Variants in GDAP1 observed in about 807,000 individuals in gnomAD.
The protein encoded by GDAP1 is ganglioside induced differentiation associated protein 1.
Under a neutral mutation model 40.1 loss-of-function variants are expected in GDAP1, and 34 were observed. The observed-to-expected ratio is 0.85, with a 90% CI of 0.64 to 1.13. GDAP1 has a LOEUF of 1.13. GDAP1 is among the 50% of genes most tolerant of loss of function. The probability of loss-of-function intolerance (pLI) is 0.00; values close to 1 mark genes in which losing one functional copy is unlikely to be tolerated. For missense variants in GDAP1, 374 were observed against 433.7 expected (o/e 0.86, Z 1.22); for synonymous variants, 170 against 157.4 (o/e 1.08, Z -0.60).
Position 74,425,112 on chromosome 8 carries a change from C to T in GDAP1, c.166-63566C>T, listed in dbSNP as rs577505267. On this transcript the variant is annotated intron_variant, in intron 2 of 2. Transcript: ENST00000523640. ...ACAGGCACACACATTTGGTTTGGGT[C>T]CTTAAGAGGAATTCTATGCTTTGTG... is the stretch of plus-strand genomic sequence containing the variant. 2.6e-5 allele frequency among the ~76,000 whole-genome samples: 4 copies of T among 152,224 alleles called. No homozygotes were observed. The South Asian group carries it at 8.3e-4, about 32-fold the overall frequency.
At chr8:74,468,617 G>A (rs1407664245) in intron 2 of GDAP1, among the ~76,000 whole-genome samples, 2 of 151,630 alleles carry the variant, frequency 1.3e-5, no homozygotes, top group Non-Finnish European at 2.9e-5. Context: ...GTTGACTTTT[G>A]TGTATGTGAA....
chr8:74,426,602 G>A (rs1805950539), intron 2 of GDAP1, among the ~76,000 whole-genome samples: 1 of 152,188 alleles, frequency 6.6e-6, no homozygotes, highest in African/African-American at 2.4e-5. Flanking sequence ...TCTGGAAGAA[G>A]TTTCAGGAAT....
chr8:74,395,122 A>G (rs979434478), intron 2 of GDAP1, among the ~76,000 whole-genome samples: 2 of 152,196 alleles, frequency 1.3e-5, no homozygotes, highest in African/African-American at 4.8e-5. Flanking sequence ...ATGAATGTTA[A>G]ATGAATGAAC....
At chr8:74,465,268 TTC>T (rs1563476767) in intron 2 of GDAP1, among the ~76,000 whole-genome samples, 1 of 152,126 alleles carries the variant, frequency 6.6e-6, no homozygotes, top group Non-Finnish European at 1.5e-5. Context: ...AGCCGTGCTA[TTC>T]TGCCTGAAAC....
At chr8:74,380,283 A>T (rs2131536823) in intron 2 of GDAP1, among the ~76,000 whole-genome samples, 1 of 152,352 alleles carries the variant, frequency 6.6e-6, no homozygotes, top group African/African-American at 2.4e-5. Flanking sequence ...CATTGAAATG[A>T]TTAGTGACTA....
In GDAP1 at chr8:74,385,876, C is replaced by T. The variant is rs148009961; in HGVS notation, c.165+34555C>T. 8.2e-3 allele frequency among the ~76,000 whole-genome samples: 1,254 copies of T among 152,202 alleles called. 18 individuals carry two copies. The highest frequency in any genetic ancestry group is 0.039 in the South Asian group (189 of 4,816). ...TGTTTCCTGACTTTTTAATGATCAC[C>T]ATTCTAATTGGTGTGAGATGGTATC... is the stretch of plus-strand genomic sequence containing the variant. On this transcript the variant is annotated intron_variant, in intron 2 of 2. Coordinates refer to the GDAP1 transcript ENST00000523640.
chr8:74,367,413 G>T (rs558560318), downstream of GDAP1, among the ~76,000 whole-genome samples: 2 of 152,176 alleles, frequency 1.3e-5, no homozygotes, highest in East Asian at 1.9e-4. Flanking sequence ...CAAATTAAAT[G>T]CAAGTCTAAT....
chr8:74,405,877 TGAC>T lies in GDAP1; in HGVS notation c.165+54557_165+54559del, dbSNP rs137856914. ...CAGCATTGGAGGCCAGTCATTAATA[TGAC>T]ATCGAGACCATGAAGGGGAGATGTT... On this transcript the variant is annotated intron_variant, in intron 2 of 2. Transcript: ENST00000523640. 1.5e-3 allele frequency among the ~76,000 whole-genome samples: 219 copies of T among 149,872 alleles called. 16 individuals are homozygous for T. The highest frequency in any genetic ancestry group is 5.0e-3 in the African/African-American group (196 of 39,262).
rs1064793135 is a variant in GDAP1 at position 74,351,464 on chromosome 8, A to G, written c.308A>G (p.Asp103Gly). ...GATTATCTTGAACAGACTTTCCTGG[A>G]TGGTAATGTTAAGGCTACTTGCGAT... is the stretch of plus-strand genomic sequence containing the variant. ...IIDYLEQTFL[D>G]ERTPRLMPDK... Residue 103 changes from aspartate (D) to glycine (G), a missense_variant and splice_region_variant, in exon 2 of 6, where the codon GAT becomes GGT. Physicochemically the swap from Asp to Gly is moderately conservative, Grantham distance 94. Coordinates refer to ENST00000220822, the MANE Select transcript of GDAP1 (RefSeq NM_018972.4). 2 of 1,609,552 alleles carry G rather than the reference A, an allele frequency of 1.2e-6. No homozygotes were observed. Among genetic ancestry groups the G allele is most frequent in the Non-Finnish European group, 1.7e-6 (2 of 1,175,846 alleles).
In GDAP1 at chr8:74,429,429, C is replaced by T. The variant is rs118139421; in HGVS notation, c.166-59249C>T. 1.9e-3 allele frequency among the ~76,000 whole-genome samples: 289 copies of T among 152,168 alleles called. 7 individuals are homozygous for T. The East Asian group carries it at 0.051, about 27-fold the overall frequency. ...ATGTAATATTATTAATTTGTTAAGG[C>T]TGCTATAACAAAATACTACAGACAG... On this transcript the variant is annotated intron_variant, in intron 2 of 2. Coordinates refer to the GDAP1 transcript ENST00000523640.
intron 2 of GDAP1, among the ~76,000 whole-genome samples, chr8:74,461,991 CAT>C (rs1586841890): frequency 6.6e-6 from 1 of 152,242 alleles, no homozygotes; most frequent in East Asian, 1.9e-4. Context: ...TATATGAAAT[CAT>C]AGTATCACTG....
At chr8:74,419,804 G>A (rs975786995) in intron 2 of GDAP1, among the ~76,000 whole-genome samples, 4 of 151,962 alleles carry the variant, frequency 2.6e-5, no homozygotes, top group African/African-American at 9.7e-5. Flanking sequence ...TATACTTAGG[G>A]CATTGATCTA....
intron 2 of GDAP1, among the ~76,000 whole-genome samples, chr8:74,446,049 A>G (rs547755782): frequency 6.6e-6 from 1 of 152,294 alleles, no homozygotes; most frequent in African/African-American, 2.4e-5. Flanking sequence ...AATCTGCCCA[A>G]CAAAATAGCA....
chr8:74,364,735 T>G lies in GDAP1; in HGVS notation c.*368T>G, dbSNP rs1411474201. The stretch of plus-strand genomic sequence containing the variant: ...TGTGGCTACTGCCCACACATACACT[T>G]CTGTAATTGAGAACTCTTAGGAGAG... On this transcript the variant is annotated 3_prime_UTR_variant, in exon 6 of 6. Transcript: ENST00000220822. The G allele has an allele frequency of 2.2e-6, 1 of 463,598 alleles. No homozygotes were observed. The highest frequency in any genetic ancestry group is 4.3e-6 in the Non-Finnish European group (1 of 233,586). 28.7% of individuals were successfully genotyped at this position (463,598 alleles called of 1,614,324 possible).
In GDAP1 at chr8:74,365,509, A is replaced by T. The variant is rs758091891; in HGVS notation, c.*1142A>T. The T allele has an allele frequency of 4.4e-6, 2 of 454,266 alleles. No individual in the cohort carries two copies. Among genetic ancestry groups the T allele is most frequent in the South Asian group, 1.6e-5 (1 of 64,472 alleles). The allele number at this position is 454,266 out of a possible 1,614,324, so 28.1% of individuals were successfully genotyped here. On this transcript the variant is annotated 3_prime_UTR_variant, in exon 6 of 6. Transcript: ENST00000220822. ...GGTTTGTGCTCAGAAAAAGTCTTTC[A>T]TGGTGACAGGAAGACAGTTTCCCTG...
chr8:74,433,774 A>T (rs988129658), intron 2 of GDAP1, among the ~76,000 whole-genome samples: 1 of 152,174 alleles, frequency 6.6e-6, no homozygotes, highest in African/African-American at 2.4e-5. Context: ...GAGTAGAGGC[A>T]CTAGCCCAGA....
chr8:74,394,710 C>G (rs1384768345), intron 2 of GDAP1, among the ~76,000 whole-genome samples: 1 of 152,044 alleles, frequency 6.6e-6, no homozygotes, highest in Admixed American at 6.6e-5. Flanking sequence ...GAGGTGGTGA[C>G]TCAGAGAGGG....
chr8:74,460,697 A>G (rs1011172655), intron 2 of GDAP1, among the ~76,000 whole-genome samples: 1 of 152,152 alleles, frequency 6.6e-6, no homozygotes, highest in Non-Finnish European at 1.5e-5. Flanking sequence ...GAAATGAGCT[A>G]TGGAATGGTG....
chr8:74,422,347 T>G (rs1805882166), intron 2 of GDAP1, among the ~76,000 whole-genome samples: 1 of 41,144 alleles, frequency 2.4e-5, no homozygotes, highest in Non-Finnish European at 4.6e-5. Flanking sequence ...CTTTCTTTCT[T>G]TCTTCCCTTC....
Sources: gnomAD v4.1 joint callset for allele counts (sites outside exome capture counted in the v4.1 genomes callset) on GRCh38, gnomAD v4.1.1 for gene constraint, MANE v1.5 for transcripts, NCBI Gene and HGNC (gene_info 2026-07-23, HGNC 2026-07-21) for gene names.